EPM2A: variants seen among roughly 807,000 people sequenced by gnomAD.
The protein encoded by EPM2A is laforin.
A neutral mutation model predicts 26.5 loss-of-function variants in EPM2A; 21 were observed. The ratio of observed to expected loss-of-function variants is 0.79; its 90% confidence interval spans 0.56 to 1.14. The LOEUF is 1.14. Ranked by LOEUF, EPM2A falls within the 50% of genes most tolerant of loss-of-function variation. The pLI, the probability that EPM2A is intolerant of heterozygous loss-of-function variation, is 0.00. For missense variants in EPM2A, 458 were observed against 440.8 expected (o/e 1.04, Z -0.35); for synonymous variants, 217 against 177.6 (o/e 1.22, Z -1.76).
intron 1 of EPM2A, among the ~76,000 whole-genome samples, chr6:145,688,905 C>T (rs1781101632): frequency 6.6e-6 from 1 of 152,154 alleles, no homozygotes; most frequent in African/African-American, 2.4e-5. Flanking sequence ...CTGTCATAGT[C>T]AACTGTTTTG....
At chr6:145,695,014 C>A (rs948096022) in intron 1 of EPM2A, among the ~76,000 whole-genome samples, 1 of 151,932 alleles carries the variant, frequency 6.6e-6, no homozygotes, top group South Asian at 2.1e-4. Flanking sequence ...TCAAAATAGT[C>A]TTTTGCTTGA....
intron 4 of EPM2A, among the ~76,000 whole-genome samples, chr6:145,414,557 T>C (rs1394974251): frequency 6.6e-6 from 1 of 152,170 alleles, no homozygotes; most frequent in Non-Finnish European, 1.5e-5. Context: ...GGATCTATTA[T>C]ACTTTGAAAT....
intron 4 of EPM2A, among the ~76,000 whole-genome samples, chr6:145,496,426 A>G (rs1052134329): frequency 2.0e-5 from 3 of 152,150 alleles, no homozygotes; most frequent in African/African-American, 7.2e-5. Context: ...TAAGTTTTCC[A>G]AATTGGTTCC....
intron 1 of EPM2A, among the ~76,000 whole-genome samples, chr6:145,688,608 AT>A (rs1424691882): frequency 6.6e-6 from 1 of 152,210 alleles, no homozygotes; most frequent in Non-Finnish European, 1.5e-5. Context: ...AACTAAAAAA[AT>A]AAATATATGA....
chr6:145,537,183 A>G (rs1040370114), intron 2 of EPM2A, among the ~76,000 whole-genome samples: 1 of 152,208 alleles, frequency 6.6e-6, no homozygotes, highest in East Asian at 1.9e-4. Flanking sequence ...AGTCTGATTT[A>G]TAGGAGGCTA....
At chr6:145,543,483 C>T (rs1043677887) in intron 2 of EPM2A, among the ~76,000 whole-genome samples, 19 of 151,892 alleles carry the variant, frequency 1.3e-4, no homozygotes, top group African/African-American at 4.1e-4. Flanking sequence ...AAACATTAAA[C>T]GACTTGCCCA....
chr6:145,451,348 T>C (rs1488183237), intron 4 of EPM2A, among the ~76,000 whole-genome samples: 9 of 83,202 alleles, frequency 1.1e-4, no homozygotes, highest in Non-Finnish European at 2.9e-4. Context: ...AAAAAATGCA[T>C]TGGTAAAAAA....
chr6:145,426,527 A>G (rs1778856410), intron 4 of EPM2A, among the ~76,000 whole-genome samples: 1 of 152,246 alleles, frequency 6.6e-6, no homozygotes, highest in Non-Finnish European at 1.5e-5. Flanking sequence ...GGTTGAAAAT[A>G]TAGAAGAAAA....
intron 2 of EPM2A, among the ~76,000 whole-genome samples, chr6:145,572,638 G>A (rs1344894430): frequency 6.6e-6 from 1 of 152,142 alleles, no homozygotes; most frequent in African/African-American, 2.4e-5. Context: ...AAACGGCAGG[G>A]CTTTGTACCA....
chr6:145,679,100 G>A (rs1300787667), intron 2 of EPM2A, among the ~76,000 whole-genome samples: 1 of 152,080 alleles, frequency 6.6e-6, no homozygotes, highest in Non-Finnish European at 1.5e-5. Flanking sequence ...GTCCTTTGCA[G>A]GGACATGGAT....
At chr6:145,418,768 T>C (rs1405509158) in intron 4 of EPM2A, among the ~76,000 whole-genome samples, 2 of 152,226 alleles carry the variant, frequency 1.3e-5, no homozygotes. Flanking sequence ...AGACTGTTGC[T>C]CTGATTCAGA....
In EPM2A at chr6:145,615,486, C is replaced by T. The variant is rs559480168; in HGVS notation, c.340+19759G>A. On this transcript the variant is annotated intron_variant, in intron 2 of 3. Transcript: ENST00000450221. Reference sequence around the variant, plus strand: ...CAGACTAATACAGTAAATTGGGGTACCAATTTACAGTATTAGTACGGTAGA... The same window carrying T: ...CAGACTAATACAGTAAATTGGGGTATCAATTTACAGTATTAGTACGGTAGA... Among the ~76,000 whole-genome samples, 9 of 151,852 alleles carry T rather than the reference C, an allele frequency of 5.9e-5. No individual in the cohort carries two copies. In the East Asian group the frequency reaches 1.8e-3, roughly 30 times the overall value.
rs572137598 is a variant in EPM2A, at chr6:145,391,667, C to T, written c.556-7570G>A. 5.9e-5 allele frequency among the ~76,000 whole-genome samples: 9 copies of T among 152,270 alleles called. No individual in the cohort carries two copies. The South Asian group carries it at 1.0e-3, about 18-fold the overall frequency. On this transcript the variant is annotated intron_variant, in intron 4 of 4. Transcript: ENST00000638717. ...TGTCAGCTGGAAGTTCCCATACCCC[C>T]GCTTGAGAAATAAAGTTCTCCTTTC...
chr6:145,532,316 G>A (rs376050882), intron 2 of EPM2A, among the ~76,000 whole-genome samples: 12 of 152,180 alleles, frequency 7.9e-5, no homozygotes, highest in East Asian at 5.8e-4. Flanking sequence ...TGAAAGGCTG[G>A]AAGGTTTTTG....
intron 1 of EPM2A, among the ~76,000 whole-genome samples, chr6:145,697,709 C>T (rs899529548): frequency 2.0e-5 from 3 of 152,170 alleles, no homozygotes; most frequent in Non-Finnish European, 4.4e-5. Flanking sequence ...CTCCCATTTG[C>T]TTTTGAAAGA....
intron 4 of EPM2A, among the ~76,000 whole-genome samples, chr6:145,457,178 A>C (rs2114713368): frequency 6.6e-6 from 1 of 152,316 alleles, no homozygotes; most frequent in South Asian, 2.1e-4. Flanking sequence ...TCTGCTAATA[A>C]GTCATCAGAG....
intron 2 of EPM2A, among the ~76,000 whole-genome samples, chr6:145,582,027 T>C (rs1339658739): frequency 6.6e-6 from 1 of 152,210 alleles, no homozygotes; most frequent in Admixed American, 6.5e-5. Context: ...CTATGTGTGA[T>C]GTTAGGTTGT....
chr6:145,702,467 C>CAAAAAAAAA (rs780451711), intron 1 of EPM2A, among the ~76,000 whole-genome samples: 5 of 148,674 alleles, frequency 3.4e-5, no homozygotes, highest in African/African-American at 1.3e-4. Flanking sequence ...TTCTTATTTG[C>CAAAAAAAAA]AAAAAGAAGA....
At chr6:145,442,903 C>T (rs906688656) in intron 4 of EPM2A, among the ~76,000 whole-genome samples, 2 of 151,604 alleles carry the variant, frequency 1.3e-5, no homozygotes, top group African/African-American at 4.9e-5. Context: ...CTCTGTTGCG[C>T]AGGCTGGAGT....
Sources: allele counts gnomAD v4.1 joint callset (sites outside exome capture counted in the v4.1 genomes callset), GRCh38; gene constraint gnomAD v4.1.1; transcripts MANE v1.5; gene names NCBI Gene and HGNC (gene_info 2026-07-23, HGNC 2026-07-21).